Variants in SERPINB4 observed in about 807,000 individuals in gnomAD.
SERPINB4 encodes the protein serpin B4.
SERPINB4 carries 39 observed loss-of-function variants against 33.2 expected under a neutral mutation model. The ratio of observed to expected loss-of-function variants is 1.18; its 90% CI spans 0.91 to 1.53. The LOEUF (loss-of-function observed/expected upper bound fraction) is 1.53, where lower values mean the gene tolerates loss of function less well. Among genes scored for constraint, SERPINB4 ranks in the 40% most tolerant of loss-of-function variants. The pLI is 0.00. For missense variants in SERPINB4, 564 were observed against 455.4 expected, an observed-to-expected ratio of 1.24 and a Z score of -2.17; for synonymous variants, 191 against 166.4, an observed-to-expected ratio of 1.15 and a Z score of -1.14.
intron 4 of SERPINB4, 54 bp from the exon 5 acceptor site, chr18:63,641,045 A>G (rs1478913899): frequency 2.8e-6 from 4 of 1,432,388 alleles, no homozygotes; most frequent in Non-Finnish European, 2.9e-6. Flanking sequence ...GTAACTATAT[A>G]TTACCAAACT....
At position 63,640,992 on chromosome 18, in the gene SERPINB4, C is replaced by A. The variant is rs762497510; in HGVS notation, c.352-1G>T. 6.2e-7 allele frequency: 1 copy of A among 1,608,188 alleles called. No homozygotes were observed. The highest frequency in any genetic ancestry group is 8.5e-7 in the Non-Finnish European group (1 of 1,175,226). On this transcript the variant is annotated splice_acceptor_variant, in intron 4 of 7. Transcript: ENST00000341074. LOFTEE classifies it high-confidence loss of function. ...ATTTCTTGATGGCATCTAAATATTCCTTTGAGATATGAAGGAAGAAGTAGG... is the reference window on the plus strand; with the variant it reads ...ATTTCTTGATGGCATCTAAATATTCATTTGAGATATGAAGGAAGAAGTAGG...
At position 63,643,524 on chromosome 18, in the gene SERPINB4, C is replaced by G. The variant is rs1330758204; in HGVS notation, c.54G>C (p.Gln18His). ...TGTTGTTCTCTTTTGATTTTCTGAACTGTTGGAACAGATCGAACATGAACT... is the reference window on the plus strand; with the variant it reads ...TGTTGTTCTCTTTTGATTTTCTGAAGTGTTGGAACAGATCGAACATGAACT... ...NTKFMFDLFQ[Q>H]FRKSKENNIF... Residue 18 changes from glutamine (Q) to histidine (H), a missense_variant, in exon 2 of 8, where the codon CAG (glutamine) becomes CAC (histidine). Gln to His is a conservative substitution (Grantham distance 24). Transcript: ENST00000341074. 5.6e-6 allele frequency: 9 copies of G among 1,613,718 alleles called. No homozygotes were observed. The highest frequency in any genetic ancestry group is 3.3e-4 in the Middle Eastern group (2 of 6,056).
rs750706841 is a variant in SERPINB4, at chr18:63,637,906, A to G, written c.986T>C (p.Leu329Pro). ...WSHGLSVSKV[L>P]HKAFVEVTEE... ...AGTGACCTCCACAAAGGCCTTGTGTAGGACTTTAGATACTGAGAGACCGTG... is the reference window on the plus strand; with the variant it reads ...AGTGACCTCCACAAAGGCCTTGTGTGGGACTTTAGATACTGAGAGACCGTG... The change falls in exon 8 of 8, where the codon CTA becomes CCA. Residue 329 changes from leucine to proline, a missense_variant. Physicochemically the swap from Leu to Pro is moderately conservative, Grantham distance 98. Coordinates refer to ENST00000341074, the MANE Select transcript of SERPINB4 (RefSeq NM_002974.4). 6.2e-7 allele frequency: 1 copy of G among 1,613,580 alleles called. No individual in the cohort carries two copies. The highest frequency in any genetic ancestry group is 8.5e-7 in the Non-Finnish European group (1 of 1,179,742).
chr18:63,640,245 C>G (rs955544938), intron 5 of SERPINB4, among the ~76,000 whole-genome samples: 13 of 151,972 alleles, frequency 8.6e-5, no homozygotes, highest in African/African-American at 2.9e-4. Flanking sequence ...CCTGTGCTGT[C>G]AGACACTACT....
At chr18:63,639,142 A>G in intron 7 of SERPINB4, 43 bp downstream of exon 7, 1 of 1,537,208 alleles carries the variant, frequency 6.5e-7, no homozygotes, top group Non-Finnish European at 8.8e-7. Context: ...CTTTGGAAAA[A>G]TGTCCGGCAG....
At chr18:63,642,887 A>G in intron 3 of SERPINB4, 2 of 447,370 alleles carry the variant, frequency 4.5e-6, no homozygotes, top group Non-Finnish European at 8.1e-6. Flanking sequence ...TCCTGCTCTT[A>G]TTCATCATTT....
chr18:63,638,157 A>G (rs1423461419), intron 7 of SERPINB4, 34 bp from the exon 8 acceptor site: 3 of 1,595,692 alleles, frequency 1.9e-6, no homozygotes, highest in East Asian at 2.2e-5. Context: ...TGATATGACT[A>G]ACTGTCGATC....
chr18:63,639,781 A>C lies in SERPINB4; in HGVS notation c.470-5T>G. ...GAAATAGGTTTTTAATTTTTTCTGC[A>C]AGGGAAAGAATAAAAGAGTCTTTTA... On this transcript the variant is annotated splice_region_variant and splice_polypyrimidine_tract_variant and intron_variant, in intron 5 of 7. Transcript: ENST00000341074. The C allele has an allele frequency of 1.2e-6, 2 of 1,606,928 alleles. No individual in the cohort carries two copies. The highest frequency in any genetic ancestry group is 1.7e-6 in the Non-Finnish European group (2 of 1,176,298).
intron 7 of SERPINB4, among the ~76,000 whole-genome samples, chr18:63,638,357 T>C (rs1913009540): frequency 6.6e-6 from 1 of 152,068 alleles, no homozygotes; most frequent in Non-Finnish European, 1.5e-5. Flanking sequence ...ATCATGTTTT[T>C]ACGTATATGT....
Position 63,641,769 on chromosome 18 carries a change from T to A in SERPINB4, c.342A>T (p.Gln114His), listed in dbSNP as rs1913139411. 1.2e-6 allele frequency: 2 copies of A among 1,613,188 alleles called. No homozygotes were observed. The highest frequency in any genetic ancestry group is 2.7e-5 in the African/African-American group (2 of 74,846). Residue 114 changes from glutamine to histidine, a missense_variant, in exon 4 of 8, where the codon CAA (glutamine) becomes CAT (histidine). By Grantham distance (24) the Gln-to-His change is conservative. Coordinates refer to ENST00000341074, the MANE Select transcript of SERPINB4 (RefSeq NM_002974.4). The part of the protein sequence containing the change: ...ANKLFGEKTY[Q>H]FLQEYLDAIK... The stretch of plus-strand genomic sequence containing the variant: ...GGCCAGGTGAAATTACCTGTAAAAA[T>A]TGATACGTCTTTTCTCCGAAGAGCT...
chr18:63,641,885 C>G lies in SERPINB4; in HGVS notation c.226G>C (p.Asp76His). ...TTEKAATYHV[D>H]RSGNVHHQFQ... ...TGGTGATGAACATTTCCTGACCTAT[C>G]AACCTTCAAACATCAAAAAGGGAGA... The change falls in exon 4 of 8, where the codon GAT becomes CAT. Residue 76 changes from aspartate (D) to histidine (H), a missense_variant. Asp to His is a moderately conservative substitution (Grantham distance 81). Coordinates refer to ENST00000341074, the MANE Select transcript of SERPINB4 (RefSeq NM_002974.4). The G allele has an allele frequency of 6.2e-7, 1 of 1,613,114 alleles. No homozygotes were observed. Among genetic ancestry groups the G allele is most frequent in the South Asian group, 1.1e-5 (1 of 91,048 alleles).
chr18:63,639,990 T>G (rs1338269639), intron 5 of SERPINB4, among the ~76,000 whole-genome samples: 2 of 152,108 alleles, frequency 1.3e-5, no homozygotes, highest in Non-Finnish European at 2.9e-5. Context: ...TTACCCTTGA[T>G]GGAGACATCA....
At chr18:63,640,543 T>C (rs1333633484) in intron 5 of SERPINB4, among the ~76,000 whole-genome samples, 1 of 152,074 alleles carries the variant, frequency 6.6e-6, no homozygotes. Context: ...ATATTCATCA[T>C]AAAAATTTGA....
In SERPINB4 at chr18:63,643,351, G is replaced by A. The variant is rs953118718; in HGVS notation, c.165+62C>T. On this transcript the variant is annotated intron_variant, in intron 2 of 7. Transcript: ENST00000341074. Reference sequence around the variant, plus strand: ...GACCACCACATCTATTACCATCTGCGTGCTAGCCGACGGAACCAGAGAAAA... The same window carrying A: ...GACCACCACATCTATTACCATCTGCATGCTAGCCGACGGAACCAGAGAAAA... 81 of 1,610,228 alleles carry A rather than the reference G, an allele frequency of 5.0e-5. No homozygotes were observed. The South Asian group carries it at 5.9e-4, about 12-fold the overall frequency.
Position 63,639,768 on chromosome 18 carries a change from T to C in SERPINB4, c.478A>G (p.Lys160Glu). The part of the protein sequence containing the change: ...WVESQTNEKI[K>E]NLFPDGTIGN... ...ATAGTCCCATCAGGAAATAGGTTTT[T>C]AATTTTTTCTGCAAGGGAAAGAATA... Residue 160 changes from lysine to glutamate, a missense_variant, in exon 6 of 8, where the codon AAA becomes GAA. Physicochemically the swap from Lys to Glu is moderately conservative, Grantham distance 56. Transcript: ENST00000341074. 1.2e-6 allele frequency: 2 copies of C among 1,608,404 alleles called. No individual in the cohort carries two copies. The highest frequency in any genetic ancestry group is 1.7e-6 in the Non-Finnish European group (2 of 1,177,488).
In SERPINB4 at chr18:63,643,165, T is replaced by C. The variant is rs141633151; in HGVS notation, c.218A>G (p.Tyr73Cys). ...CCATAGTGCTCTGTGACTCACATGATATGTTGCAGCTTTTTCTGTGGTGTT... is the reference window on the plus strand; with the variant it reads ...CCATAGTGCTCTGTGACTCACATGACATGTTGCAGCTTTTTCTGTGGTGTT... Reference protein sequence around the residue: ...TENTTEKAATYHVDRSGNVHH... With the variant: ...TENTTEKAATCHVDRSGNVHH... The change falls in exon 3 of 8, where the codon TAT becomes TGT. Residue 73 changes from tyrosine (Y) to cysteine (C), a missense_variant. Coordinates refer to ENST00000341074, the MANE Select transcript of SERPINB4 (RefSeq NM_002974.4). 4 of 1,613,318 alleles carry C rather than the reference T, an allele frequency of 2.5e-6. No homozygotes were observed. Among genetic ancestry groups the C allele is most frequent in the East Asian group, 2.2e-5 (1 of 44,852 alleles).
At chr18:63,641,374 C>G (rs1292172470) in intron 4 of SERPINB4, among the ~76,000 whole-genome samples, 1 of 152,028 alleles carries the variant, frequency 6.6e-6, no homozygotes, top group Non-Finnish European at 1.5e-5. Flanking sequence ...CCTGGTACTT[C>G]CTCAACTATT....
intron 4 of SERPINB4, 101 bp from the exon 5 acceptor site, chr18:63,641,092 C>A (rs1369946621): frequency 2.2e-6 from 2 of 923,614 alleles, no homozygotes; most frequent in East Asian, 4.9e-5. Flanking sequence ...AATCCAGACC[C>A]TGAATAGATG....
At chr18:63,641,725 T>C (rs1336967030) in intron 4 of SERPINB4, 35 bp downstream of exon 4, 1 of 1,612,832 alleles carries the variant, frequency 6.2e-7, no homozygotes, top group Non-Finnish European at 8.5e-7. Flanking sequence ...GACATCAGGA[T>C]GCAAATGAAA....
Sources: allele counts gnomAD v4.1 joint callset (sites outside exome capture counted in the v4.1 genomes callset), GRCh38; gene constraint gnomAD v4.1.1; transcripts MANE v1.5; gene names NCBI Gene and HGNC (gene_info 2026-07-23, HGNC 2026-07-21).